Variants in CEP192 observed in about 807,000 individuals in gnomAD.
CEP192 encodes centrosomal protein 192.
Under a neutral mutation model 271.8 loss-of-function variants are expected in CEP192, and 151 were observed. The ratio of observed to expected loss-of-function variants is 0.56; its 90% CI spans 0.49 to 0.64. The LOEUF is 0.64. CEP192 is among the 30% of genes least tolerant of loss of function. The probability of loss-of-function intolerance (pLI) is 0.00; values close to 1 mark genes in which losing one functional copy is unlikely to be tolerated. For synonymous variants in CEP192, 995 were observed against 1,076.5 expected, an observed-to-expected ratio of 0.92 and a Z score of 1.48; for missense variants, 2,910 against 3,020.5, an observed-to-expected ratio of 0.96 and a Z score of 0.86.
chr18:13,124,669 C>A lies in CEP192; in HGVS notation c.7513C>A (p.Pro2505Thr). 1 of 1,614,010 alleles carries A rather than the reference C, an allele frequency of 6.2e-7. No homozygotes were observed. Among genetic ancestry groups the A allele is most frequent in the Non-Finnish European group, 8.5e-7 (1 of 1,179,958 alleles). ...CATCAACATGCCCGTGCAGTTCAAA[C>A]CGAAGTCCGCAGGCAAATTTGAAGC... ...HYINMPVQFK[P>T]KSAGKFEALL... Residue 2505 changes from proline to threonine, a missense_variant, in exon 45 of 45, where the codon CCG becomes ACG. Transcript: ENST00000506447.
At chr18:12,994,248 G>A (rs1254746841) in intron 1 of CEP192, among the ~76,000 whole-genome samples, 2 of 152,142 alleles carry the variant, frequency 1.3e-5, no homozygotes, top group Admixed American at 6.6e-5. Context: ...TGACTGTGGC[G>A]CTGTTTGACT....
intron 21 of CEP192, among the ~76,000 whole-genome samples, chr18:13,067,283 G>A (rs922461582): frequency 2.0e-5 from 3 of 152,110 alleles, no homozygotes; most frequent in African/African-American, 4.8e-5. Context: ...GGACATCCAC[G>A]AGTTTTGATA....
At chr18:13,006,289 G>A (rs1599042576) in intron 3 of CEP192, among the ~76,000 whole-genome samples, 1 of 149,856 alleles carries the variant, frequency 6.7e-6, no homozygotes, top group East Asian at 2.0e-4. Flanking sequence ...TTTTTAATGG[G>A]CCCTTTTTGT....
At chr18:13,034,325 T>G (rs1307190887) in intron 11 of CEP192, among the ~76,000 whole-genome samples, 3 of 151,476 alleles carry the variant, frequency 2.0e-5, no homozygotes, top group Non-Finnish European at 4.4e-5. Flanking sequence ...TCCAGGGAAA[T>G]AGGGGTGGAG....
At chr18:13,066,052 T>C (rs1167053089) in intron 21 of CEP192, among the ~76,000 whole-genome samples, 1 of 152,204 alleles carries the variant, frequency 6.6e-6, no homozygotes, top group Non-Finnish European at 1.5e-5. Context: ...TGAACTCAAA[T>C]AGTTTACTTT....
At chr18:13,119,183 CTG>C in intron 44 of CEP192, among the ~76,000 whole-genome samples, 1 of 152,328 alleles carries the variant, frequency 6.6e-6, no homozygotes, top group East Asian at 1.9e-4. Flanking sequence ...ATTGTTGTAA[CTG>C]TTTTTAGTAA....
In CEP192 at chr18:13,124,658, T is replaced by A; in HGVS notation, c.7502T>A (p.Val2501Glu). 1 of 1,613,978 alleles carries A rather than the reference T, an allele frequency of 6.2e-7. No individual in the cohort carries two copies. Among genetic ancestry groups the A allele is most frequent in the Non-Finnish European group, 8.5e-7 (1 of 1,179,932 alleles). Residue 2501 changes from valine to glutamate, a missense_variant, in exon 45 of 45, where the codon GTG becomes GAG. Val to Glu is a moderately radical substitution (Grantham distance 121). Coordinates refer to ENST00000506447, the MANE Select transcript of CEP192 (RefSeq NM_032142.4). ...LRAQHYINMPVQFKPKSAGKF... is the reference protein window; with the variant it reads ...LRAQHYINMPEQFKPKSAGKF... ...GCCCAGCATTACATCAACATGCCCG[T>A]GCAGTTCAAACCGAAGTCCGCAGGC...
rs1210020534 is a variant in CEP192 at position 13,087,125 on chromosome 18, A to G, written c.5725A>G (p.Ser1909Gly). 1 of 1,614,034 alleles carries G rather than the reference A, an allele frequency of 6.2e-7. No homozygotes were observed. The highest frequency in any genetic ancestry group is 1.3e-5 in the African/African-American group (1 of 74,938). Reference sequence around the variant, plus strand: ...GAATGGCTTAGTACCTGGCAAAGAAAGTAAAATTGTTTTTTCTGTCCGCAA... The same window carrying G: ...GAATGGCTTAGTACCTGGCAAAGAAGGTAAAATTGTTTTTTCTGTCCGCAA... ...TVNGLVPGKE[S>G]KIVFSVRNTG... Residue 1909 changes from serine (S) to glycine (G), a missense_variant, in exon 31 of 45, where the codon AGT becomes GGT. Physicochemically the swap from Ser to Gly is moderately conservative, Grantham distance 56 (BLOSUM62 0). Transcript: ENST00000506447.
In CEP192 at chr18:13,096,246, G is replaced by A; in HGVS notation, c.6496G>A (p.Glu2166Lys). ...TAACTCTGTGAGGTTACTGAGATTT[G>A]AGCTGTGCTGGCCAGCGCATTGCCT... The part of the protein sequence containing the change: ...VNNSVRLLRF[E>K]LCWPAHCLTV... Residue 2166 changes from glutamate (E) to lysine (K), a missense_variant, in exon 36 of 45, where the codon GAG becomes AAG. Physicochemically the swap from Glu to Lys is moderately conservative, Grantham distance 56. Transcript: ENST00000506447. 1 of 1,614,192 alleles carries A rather than the reference G, an allele frequency of 6.2e-7. No homozygotes were observed. Among genetic ancestry groups the A allele is most frequent in the Non-Finnish European group, 8.5e-7 (1 of 1,179,998 alleles).
intron 1 of CEP192, among the ~76,000 whole-genome samples, chr18:12,995,757 A>G (rs2033191265): frequency 6.6e-6 from 1 of 152,252 alleles, no homozygotes; most frequent in African/African-American, 2.4e-5. Flanking sequence ...TTGAGGAGGC[A>G]AGGCCTGACA....
intron 40 of CEP192, among the ~76,000 whole-genome samples, chr18:13,108,564 A>T (rs900172909): frequency 6.6e-6 from 1 of 152,252 alleles, no homozygotes; most frequent in Non-Finnish European, 1.5e-5. Flanking sequence ...GCTCCACATC[A>T]TTAATCATCA....
chr18:13,105,234 T>G (rs1162781729), intron 40 of CEP192, among the ~76,000 whole-genome samples, 155 bp downstream of exon 40: 1 of 152,210 alleles, frequency 6.6e-6, no homozygotes, highest in African/African-American at 2.4e-5. Context: ...TACAATGCGC[T>G]GTAGCAGATA....
chr18:13,023,240 C>T (rs1180194965), intron 9 of CEP192, among the ~76,000 whole-genome samples: 1 of 151,974 alleles, frequency 6.6e-6, no homozygotes, highest in East Asian at 1.9e-4. Context: ...ACTTTATTTC[C>T]TTTTCGTGTC....
At chr18:13,032,177 T>C (rs1162709974) in intron 11 of CEP192, among the ~76,000 whole-genome samples, 1 of 152,168 alleles carries the variant, frequency 6.6e-6, no homozygotes, top group East Asian at 1.9e-4. Flanking sequence ...TGTAGAAATC[T>C]AGATGTCCCA....
At chr18:12,993,196 A>C (rs28619103) in intron 1 of CEP192, among the ~76,000 whole-genome samples, 107,172 of 152,058 alleles carry the variant, frequency 0.7, 38,976 homozygotes, top group African/African-American at 0.89. Flanking sequence ...CCTAGGTGTC[A>C]GGCTTGTATT....
chr18:13,122,529 T>C lies in CEP192; in HGVS notation c.7476-2103T>C, dbSNP rs192897426. 1.2e-3 allele frequency among the ~76,000 whole-genome samples: 187 copies of C among 151,474 alleles called. 2 individuals carry two copies. The East Asian group carries it at 0.032, about 26-fold the overall frequency. On this transcript the variant is annotated intron_variant, in intron 44 of 44. Transcript: ENST00000506447. ...CAGGGAAACAGAGGTTGCAGTGAGCTGAGATCGTGCCACTGCACTCCAGCT... is the reference window on the plus strand; with the variant it reads ...CAGGGAAACAGAGGTTGCAGTGAGCCGAGATCGTGCCACTGCACTCCAGCT...
intron 5 of CEP192, among the ~76,000 whole-genome samples, chr18:13,014,101 A>T (rs1206553161): frequency 1.3e-5 from 2 of 152,228 alleles, no homozygotes; most frequent in Non-Finnish European, 2.9e-5. Flanking sequence ...AGTATTTATT[A>T]TCTGGCCCTT....
Position 13,072,744 on chromosome 18 carries a change from A to G in CEP192, c.5349-11A>G. On this transcript the variant is annotated splice_polypyrimidine_tract_variant and intron_variant, in intron 28 of 44. Transcript: ENST00000506447. ...AGAAAAACCATATTTAAAATGTCTA[A>G]TTGTTTTTAGGCTTCAGAAACTAGC... 1 of 1,554,724 alleles carries G rather than the reference A, an allele frequency of 6.4e-7. No individual in the cohort carries two copies.
intron 44 of CEP192, among the ~76,000 whole-genome samples, chr18:13,119,571 A>G (rs1384954732): frequency 6.6e-6 from 1 of 152,124 alleles, no homozygotes; most frequent in Non-Finnish European, 1.5e-5. Context: ...ATGAAACCCC[A>G]TCTCCACTAA....
Sources: allele counts gnomAD v4.1 joint callset (sites outside exome capture counted in the v4.1 genomes callset), GRCh38; gene constraint gnomAD v4.1.1; transcripts MANE v1.5; gene names NCBI Gene and HGNC (gene_info 2026-07-23, HGNC 2026-07-21).